Variants in S1PR3 observed in about 807,000 individuals in gnomAD.
S1PR3 encodes the protein sphingosine-1-phosphate receptor 3, also known as sphingosine 1-phosphate receptor 3.
A neutral mutation model predicts 13.3 loss-of-function variants in S1PR3; 12 were observed. That is an observed-to-expected ratio of 0.90 (90% confidence interval 0.58 to 1.46). S1PR3 has a LOEUF of 1.46. S1PR3 is among the 40% of genes most tolerant of loss of function. The pLI is 0.00. For synonymous variants in S1PR3, 232 were observed against 214.0 expected (o/e 1.08, Z -0.73); for missense variants, 450 against 501.9 (o/e 0.90, Z 0.99).
At chr9:88,994,927 G>A (rs1027423738) in intron 1 of S1PR3, 2 of 167,122 alleles carry the variant, frequency 1.2e-5, no homozygotes, top group Non-Finnish European at 2.9e-5. Flanking sequence ...GCAGCTGGGT[G>A]TGTGAAGCAT....
upstream of S1PR3, chr9:88,991,008 T>C (rs199942009): frequency 2.4e-4 from 389 of 1,613,384 alleles, 1 homozygote; most frequent in Non-Finnish European, 6.0e-5. This position sits in a 1 kb window ranked among gnomAD's most constrained non-coding sequence, Gnocchi z 4.0. Context: ...GGTCAGGATC[T>C]GGACAACGAT....
Position 89,002,049 on chromosome 9 carries a change from C to G in S1PR3, c.849C>G (p.Phe283Leu). The G allele has an allele frequency of 6.2e-7, 1 of 1,614,104 alleles. No homozygotes were observed. The highest frequency in any genetic ancestry group is 8.5e-7 in the Non-Finnish European group (1 of 1,180,032). The change falls in exon 2 of 2, where the codon TTC becomes TTG. Residue 283 changes from phenylalanine (F) to leucine (L), a missense_variant. Phe to Leu is a conservative substitution (Grantham distance 22). Transcript: ENST00000358157. The part of the protein sequence containing the change: ...ACPILFKAQW[F>L]IVLAVLNSAM... ...CCATCCTCTTCAAGGCTCAGTGGTT[C>G]ATCGTGTTGGCTGTGCTCAACTCCG...
rs1446579922 is a variant in S1PR3, at chr9:88,991,778, C to T, written c.-148+83C>T. On this transcript the variant is annotated intron_variant, in intron 1 of 1. Transcript: ENST00000358157. This position sits in a 1 kb window ranked among gnomAD's most constrained non-coding sequence, Gnocchi z 4.0. ...ACCCACCTTTCCAACAAAATCCCCA[C>T]CGATCCCGGGCGCGACGGGGACTTG... is the stretch of plus-strand genomic sequence containing the variant. 2 of 1,582,060 alleles carry T rather than the reference C, an allele frequency of 1.3e-6. No individual in the cohort carries two copies. Among genetic ancestry groups the T allele is most frequent in the Admixed American group, 1.9e-5 (1 of 53,778 alleles).
rs777051465 is a variant in S1PR3 at position 88,991,671 on chromosome 9, G to T, written c.-172G>T. On this transcript the variant is annotated 5_prime_UTR_variant, in exon 1 of 2. Transcript: ENST00000358157. This position sits in a 1 kb window ranked among gnomAD's most constrained non-coding sequence, Gnocchi z 4.0. Reference sequence around the variant, plus strand: ...CGCGCCACCCGCTAGGATGCCGGTGGCCCCAGCGCCCTCAGCCGACGGAGG... The same window carrying T: ...CGCGCCACCCGCTAGGATGCCGGTGTCCCCAGCGCCCTCAGCCGACGGAGG... The T allele has an allele frequency of 4.8e-4, 728 of 1,512,198 alleles. 3 individuals are homozygous for T. Among genetic ancestry groups the T allele is most frequent in the Admixed American group, 5.8e-4 (26 of 44,792 alleles). 93.7% of individuals were successfully genotyped at this position (1,512,198 alleles called of 1,614,324 possible).
At chr9:89,000,164 G>T (rs1359783113) in intron 1 of S1PR3, 1 of 152,208 alleles carries the variant, frequency 6.6e-6, no homozygotes, top group African/African-American at 2.4e-5. Flanking sequence ...AGGTCTCGTG[G>T]GGGAAGAGTT....
intron 1 of S1PR3, chr9:88,998,933 T>C (rs920760160): frequency 1.3e-5 from 2 of 152,498 alleles, no homozygotes; most frequent in Non-Finnish European, 2.9e-5. Context: ...AGGGCTGGCA[T>C]GGGTGAGCCA....
chr9:89,001,974 A>C lies in S1PR3; in HGVS notation c.774A>C (p.Pro258=), dbSNP rs1006996369. 1 of 1,613,606 alleles carries C rather than the reference A, an allele frequency of 6.2e-7. No homozygotes were observed. The highest frequency in any genetic ancestry group is 8.5e-7 in the Non-Finnish European group (1 of 1,179,926). The change falls in exon 2 of 2, where the codon CCA becomes CCC. Residue 258 remains proline (P), a synonymous_variant. Transcript: ENST00000358157. ...GCGTGTTCATCGCCTGCTGGTCCCC[A>C]CTCTTCATCCTCTTCCTCATTGATG... is the stretch of plus-strand genomic sequence containing the variant. The part of the protein sequence containing the change: ...VVSVFIACWS[P]LFILFLIDVA...
intron 1 of S1PR3, chr9:88,992,639 T>A (rs1308438530): frequency 6.6e-6 from 1 of 152,224 alleles, no homozygotes; most frequent in Non-Finnish European, 1.5e-5. Flanking sequence ...TAGATGAAAA[T>A]CTTGCAGGCA....
At chr9:88,995,830 G>A (rs1825796336) in intron 1 of S1PR3, 1 of 167,112 alleles carries the variant, frequency 6.0e-6, no homozygotes, top group African/African-American at 2.4e-5. Context: ...TTGGAAGAGA[G>A]TGGAACGACC....
Position 88,991,705 on chromosome 9 carries a change from G to A in S1PR3, c.-148+10G>A, listed in dbSNP as rs1318127224. 1.3e-6 allele frequency: 2 copies of A among 1,524,198 alleles called. No individual in the cohort carries two copies. The highest frequency in any genetic ancestry group is 2.1e-5 in the Admixed American group (1 of 47,250). The allele number at this position is 1,524,198 out of a possible 1,614,324, so 94.4% of individuals were successfully genotyped here. The stretch of plus-strand genomic sequence containing the variant: ...CCCTCAGCCGACGGAGGTGAGAGGC[G>A]GGCCCGGGCGGGGCGCGGAACCAGG... On this transcript the variant is annotated intron_variant, in intron 1 of 1. Transcript: ENST00000358157. This position sits in a 1 kb window ranked among gnomAD's most constrained non-coding sequence, Gnocchi z 4.0.
chr9:88,991,610 C>A lies in S1PR3; in HGVS notation c.-233C>A. On this transcript the variant is annotated 5_prime_UTR_variant, in exon 1 of 2. Transcript: ENST00000358157. The surrounding 1 kb of genome is among the most constrained non-coding windows in gnomAD (Gnocchi z 4.0). Reference sequence around the variant, plus strand: ...CTGCCGGGCCTCCCAGCCCATCTGGCATTCGAGCGCAGGACCGGGCGCCCC... The same window carrying A: ...CTGCCGGGCCTCCCAGCCCATCTGGAATTCGAGCGCAGGACCGGGCGCCCC... 1 of 1,541,530 alleles carries A rather than the reference C, an allele frequency of 6.5e-7. No individual in the cohort carries two copies. Among genetic ancestry groups the A allele is most frequent in the Non-Finnish European group, 8.7e-7 (1 of 1,144,150 alleles).
chr9:88,991,110 C>T (rs772921523), upstream of S1PR3: 17 of 1,612,980 alleles, frequency 1.1e-5, no homozygotes, highest in East Asian at 2.2e-5. The surrounding 1 kb of genome is among the most constrained non-coding windows in gnomAD (Gnocchi z 4.0). Flanking sequence ...GACCTCGGAC[C>T]TGGTTCCAAG....
Position 89,001,880 on chromosome 9 carries a change from G to C in S1PR3, c.680G>C (p.Arg227Pro), listed in dbSNP as rs775579587. 8 of 1,614,098 alleles carry C rather than the reference G, an allele frequency of 5.0e-6. No individual in the cohort carries two copies. The highest frequency in any genetic ancestry group is 1.6e-4 in the Middle Eastern group (1 of 6,084). The part of the protein sequence containing the change: ...RIYFLVKSSS[R>P]KVANHNNSER... Reference sequence around the variant, plus strand: ...TACTTCCTGGTGAAGTCCAGCAGCCGTAAGGTGGCCAACCACAACAACTCG... The same window carrying C: ...TACTTCCTGGTGAAGTCCAGCAGCCCTAAGGTGGCCAACCACAACAACTCG... Residue 227 changes from arginine (R) to proline (P), a missense_variant, in exon 2 of 2, where the codon CGT (arginine) becomes CCT (proline). Coordinates refer to ENST00000358157, the MANE Select transcript of S1PR3 (RefSeq NM_005226.4).
In S1PR3 at chr9:88,991,609, G is replaced by T; in HGVS notation, c.-234G>T. The stretch of plus-strand genomic sequence containing the variant: ...ACTGCCGGGCCTCCCAGCCCATCTG[G>T]CATTCGAGCGCAGGACCGGGCGCCC... On this transcript the variant is annotated 5_prime_UTR_variant, in exon 1 of 2. Transcript: ENST00000358157. The surrounding 1 kb of genome is among the most constrained non-coding windows in gnomAD (Gnocchi z 4.0). 6.5e-7 allele frequency: 1 copy of T among 1,541,484 alleles called. No individual in the cohort carries two copies. The highest frequency in any genetic ancestry group is 8.7e-7 in the Non-Finnish European group (1 of 1,144,172).
At position 89,002,586 on chromosome 9, in the gene S1PR3, T is replaced by C. The variant is rs1825884945; in HGVS notation, c.*249T>C. 1.8e-6 allele frequency: 1 copy of C among 563,398 alleles called. No individual in the cohort carries two copies. The highest frequency in any genetic ancestry group is 3.3e-6 in the Non-Finnish European group (1 of 307,136). The allele number at this position is 563,398 out of a possible 1,614,324, so 34.9% of individuals were successfully genotyped here. A position where few individuals can be genotyped will look rare whatever the true frequency, so the allele number is the denominator to read the frequency against. On this transcript the variant is annotated 3_prime_UTR_variant, in exon 2 of 2. Coordinates refer to ENST00000358157, the MANE Select transcript of S1PR3 (RefSeq NM_005226.4). Reference sequence around the variant, plus strand: ...TAAGCTGCTGACATCATCCACTGCCTTCTGCTGCATCCTAGACACCCTCCC... The same window carrying C: ...TAAGCTGCTGACATCATCCACTGCCCTCTGCTGCATCCTAGACACCCTCCC...
At chr9:88,991,147 C>T (rs1484082384), upstream of S1PR3, 6 of 1,610,432 alleles carry the variant, frequency 3.7e-6, no homozygotes, top group East Asian at 1.3e-4. The surrounding 1 kb of genome is among the most constrained non-coding windows in gnomAD (Gnocchi z 4.0). Context: ...CTCTGGGCGC[C>T]CGGTTTCTGC....
chr9:88,991,493 G>A lies in S1PR3; in HGVS notation c.-350G>A. On this transcript the variant is annotated 5_prime_UTR_variant, in exon 1 of 2. Transcript: ENST00000358157. The surrounding 1 kb of genome is among the most constrained non-coding windows in gnomAD (Gnocchi z 4.0). ...AGAGGCCGAGGAAGCCGGTTCCGGG[G>A]ACGGGCAACAGGGACTCAGGGACCA... 6.5e-7 allele frequency: 1 copy of A among 1,548,076 alleles called. No homozygotes were observed. Among genetic ancestry groups the A allele is most frequent in the Non-Finnish European group, 8.7e-7 (1 of 1,146,036 alleles).
chr9:89,002,716 G>T lies in S1PR3; in HGVS notation c.*379G>T, dbSNP rs577189627. ...TGATTTTACACTACATTTCCTGTGC[G>T]TAGAATGGATGCTTGTATATTCGTA... On this transcript the variant is annotated 3_prime_UTR_variant, in exon 2 of 2. Transcript: ENST00000358157. The T allele has an allele frequency of 3.0e-5, 8 of 270,216 alleles. No individual in the cohort carries two copies. Among genetic ancestry groups the T allele is most frequent in the Non-Finnish European group, 6.1e-5 (8 of 132,146 alleles). 16.7% of individuals were successfully genotyped at this position (270,216 alleles called of 1,614,324 possible). A position where few individuals can be genotyped will look rare whatever the true frequency, so the allele number is the denominator to read the frequency against.
upstream of S1PR3, chr9:88,991,084 C>G (rs776153271): frequency 1.2e-6 from 2 of 1,613,314 alleles, no homozygotes; most frequent in Non-Finnish European, 1.7e-6. The surrounding 1 kb of genome is among the most constrained non-coding windows in gnomAD (Gnocchi z 4.0). Flanking sequence ...GGGCGACAGG[C>G]GCCCGCCCAA....
Sources: gnomAD v4.1 joint callset for allele counts on GRCh38, gnomAD v4.1.1 for gene constraint, Gnocchi (gnomAD v3.1) non-coding constraint, MANE v1.5 for transcripts, NCBI Gene and HGNC (gene_info 2026-07-23, HGNC 2026-07-21) for gene names.